Variants in PDGFRB observed in about 807,000 individuals in gnomAD.
The protein encoded by PDGFRB is platelet-derived growth factor receptor beta.
In PDGFRB, 42 loss-of-function variants were observed where a neutral mutation model predicts 120.2. The ratio of observed to expected loss-of-function variants is 0.35; its 90% CI spans 0.27 to 0.45. The LOEUF (loss-of-function observed/expected upper bound fraction) is 0.45, where lower values mean the gene tolerates loss of function less well. PDGFRB is among the 20% of genes least tolerant of loss of function. The pLI, the probability that PDGFRB is intolerant of heterozygous loss-of-function variation, is 1.00. For synonymous variants in PDGFRB, 586 were observed against 606.8 expected, an observed-to-expected ratio of 0.97 and a Z score of 0.50; for missense variants, 1,149 against 1,476.3, an observed-to-expected ratio of 0.78 and a Z score of 3.63.
Position 150,119,458 on chromosome 5 carries a change from TC to T in PDGFRB, c.2798+8del. 1 of 1,495,260 alleles carries T rather than the reference TC, an allele frequency of 6.7e-7. No individual in the cohort carries two copies. Among genetic ancestry groups the T allele is most frequent in the Non-Finnish European group, 9.3e-7 (1 of 1,071,360 alleles). 92.6% of individuals were successfully genotyped at this position (1,495,260 alleles called of 1,614,324 possible). A position where few individuals can be genotyped will look rare whatever the true frequency, so the allele number is the denominator to read the frequency against. Reference sequence around the variant, plus strand: ...CAAAATCCTCCCAAATGCATGAGACTCCACTCACATCTCGTCGGAGGCATGG... The same window carrying T: ...CAAAATCCTCCCAAATGCATGAGACTCACTCACATCTCGTCGGAGGCATGG... On this transcript the variant is annotated splice_region_variant and intron_variant, in intron 20 of 22. Transcript: ENST00000261799.
rs74388241 is a variant in PDGFRB at position 150,142,231 on chromosome 5, G to A, written c.-6-5178C>T. Among the ~76,000 whole-genome samples the A allele has an allele frequency of 7.2e-3, 1,101 of 152,268 alleles. 15 individuals are homozygous for A. Among genetic ancestry groups the A allele is most frequent in the African/African-American group, 0.025 (1,057 of 41,538 alleles). ...CTAGACAAGATGGGCTCGGGTGATC[G>A]GTGGGGCTGAAGCTCACCTGGCTGC... On this transcript the variant is annotated intron_variant, in intron 1 of 22. Transcript: ENST00000261799.
chr5:150,125,356 AGTCAT>A, intron 12 of PDGFRB, 84 bp downstream of exon 12: 1 of 1,151,452 alleles, frequency 8.7e-7, no homozygotes. Flanking sequence ...TCTCATAGCT[AGTCAT>A]GGCAAGGCTG....
intron 15 of PDGFRB, 56 bp from the exon 16 acceptor site, chr5:150,122,096 C>T: frequency 7.2e-7 from 1 of 1,393,716 alleles, no homozygotes; most frequent in Non-Finnish European, 1.0e-6. Flanking sequence ...CCCCTCCCCT[C>T]CTGCCCCTTG....
rs17652200 is a variant in PDGFRB, at chr5:150,146,223, T to C, written c.-6-9170A>G. Among the ~76,000 whole-genome samples, 1,090 of 152,360 alleles carry C rather than the reference T, an allele frequency of 7.2e-3. 33 individuals carry two copies. Among genetic ancestry groups the C allele is most frequent in the Admixed American group, 0.034 (525 of 15,304 alleles). On this transcript the variant is annotated intron_variant, in intron 1 of 22. Coordinates refer to ENST00000261799, the MANE Select transcript of PDGFRB (RefSeq NM_002609.4). ...CAGTTTATCTCACTGTATTCTCTGC[T>C]TATTGGTCTTGCTTCTATCCACCAA...
At position 150,120,512 on chromosome 5, in the gene PDGFRB, A is replaced by T. The variant is rs1299075718; in HGVS notation, c.2586+376T>A. Among the ~76,000 whole-genome samples, 1 of 152,110 alleles carries T rather than the reference A, an allele frequency of 6.6e-6. No homozygotes were observed. The highest frequency in any genetic ancestry group is 1.5e-5 in the Non-Finnish European group (1 of 68,010). On this transcript the variant is annotated intron_variant, in intron 18 of 22. Transcript: ENST00000261799. This position sits in a 1 kb window ranked among gnomAD's most constrained non-coding sequence, Gnocchi z 4.3. Reference sequence around the variant, plus strand: ...AGTGGGGAGATGAGAGACAGGCAGGATGATCACGTTTTAACCAGACCAATC... The same window carrying T: ...AGTGGGGAGATGAGAGACAGGCAGGTTGATCACGTTTTAACCAGACCAATC...
chr5:150,125,425 T>C lies in PDGFRB; in HGVS notation c.1807+20A>G. 6.2e-7 allele frequency: 1 copy of C among 1,600,798 alleles called. No individual in the cohort carries two copies. The highest frequency in any genetic ancestry group is 1.3e-5 in the African/African-American group (1 of 74,770). ...CAACTTGAGTCCCCACACTGCCACA[T>C]GAGGCCTCTCAGGACTGACCCAGCA... On this transcript the variant is annotated intron_variant, in intron 12 of 22. Transcript: ENST00000261799.
In PDGFRB at chr5:150,120,195, G is replaced by A; in HGVS notation, c.2587-72C>T. 1.3e-6 allele frequency: 1 copy of A among 761,122 alleles called. No individual in the cohort carries two copies. The allele number at this position is 761,122 out of a possible 1,614,324, so 47.1% of individuals were successfully genotyped here. ...CCCCACTCTGCACCTGGGATGGGAG[G>A]AGGGTATCTGGCAGCTCCCACCCAC... On this transcript the variant is annotated intron_variant, in intron 18 of 22. Coordinates refer to ENST00000261799, the MANE Select transcript of PDGFRB (RefSeq NM_002609.4). This position sits in a 1 kb window ranked among gnomAD's most constrained non-coding sequence, Gnocchi z 4.3.
chr5:150,124,162 T>G, intron 14 of PDGFRB, 88 bp downstream of exon 14: 1 of 840,130 alleles, frequency 1.2e-6, no homozygotes, highest in Non-Finnish European at 2.0e-6. Context: ...GAGTGTGCTG[T>G]TGTGCAAGGC....
chr5:150,124,238 TG>T lies in PDGFRB; in HGVS notation c.2023+11del. 3 of 1,593,724 alleles carry T rather than the reference TG, an allele frequency of 1.9e-6. No individual in the cohort carries two copies. The highest frequency in any genetic ancestry group is 2.6e-6 in the Non-Finnish European group (3 of 1,161,932). ...ACTTTCCCTGAGGCCTCTGGGGCAGTGGGCTCGGTACCTCCTTTGGTGCAGG... is the reference window on the plus strand; with the variant it reads ...ACTTTCCCTGAGGCCTCTGGGGCAGTGGCTCGGTACCTCCTTTGGTGCAGG... On this transcript the variant is annotated intron_variant, in intron 14 of 22. Transcript: ENST00000261799.
At position 150,120,780 on chromosome 5, in the gene PDGFRB, G is replaced by A; in HGVS notation, c.2586+108C>T. The A allele has an allele frequency of 2.9e-6, 3 of 1,035,360 alleles. No individual in the cohort carries two copies. Among genetic ancestry groups the A allele is most frequent in the South Asian group, 2.9e-5 (2 of 68,066 alleles). 64.1% of individuals were successfully genotyped at this position (1,035,360 alleles called of 1,614,324 possible). A position where few individuals can be genotyped will look rare whatever the true frequency, so the allele number is the denominator to read the frequency against. ...CTGCTGTCAGGGCAGGCCACAAGGA[G>A]CCCCACACAGATTTCCTATGAGCTG... is the stretch of plus-strand genomic sequence containing the variant. On this transcript the variant is annotated intron_variant, in intron 18 of 22. Transcript: ENST00000261799. This position sits in a 1 kb window ranked among gnomAD's most constrained non-coding sequence, Gnocchi z 4.3.
Position 150,122,940 on chromosome 5 carries a change from G to A in PDGFRB, c.2183+102C>T, listed in dbSNP as rs538854325. ...AGCTCCAGGAGTGATTCTGTCCCCTGCCCTGTCACAGCCTCAGCTTCCCCT... is the reference window on the plus strand; with the variant it reads ...AGCTCCAGGAGTGATTCTGTCCCCTACCCTGTCACAGCCTCAGCTTCCCCT... On this transcript the variant is annotated intron_variant, in intron 15 of 22. Transcript: ENST00000261799. The A allele has an allele frequency of 2.1e-5, 22 of 1,032,702 alleles. No individual in the cohort carries two copies. The East Asian group carries it at 4.0e-4, about 19-fold the overall frequency. 64.0% of individuals were successfully genotyped at this position (1,032,702 alleles called of 1,614,324 possible).
In PDGFRB at chr5:150,124,836, T is replaced by G; in HGVS notation, c.1808-5A>C. ...CCCCAGAGCCGAGGGTGCGTCCTGG[T>G]GCAGAGATGATCCATTAGCTCCTGG... On this transcript the variant is annotated splice_polypyrimidine_tract_variant and splice_region_variant and intron_variant, in intron 12 of 22. Coordinates refer to ENST00000261799, the MANE Select transcript of PDGFRB (RefSeq NM_002609.4). The G allele has an allele frequency of 6.5e-7, 1 of 1,531,490 alleles. No individual in the cohort carries two copies. The highest frequency in any genetic ancestry group is 9.0e-7 in the Non-Finnish European group (1 of 1,115,160). 94.9% of individuals were successfully genotyped at this position (1,531,490 alleles called of 1,614,324 possible).
At position 150,120,797 on chromosome 5, in the gene PDGFRB, T is replaced by G; in HGVS notation, c.2586+91A>C. On this transcript the variant is annotated intron_variant, in intron 18 of 22. Transcript: ENST00000261799. This position sits in a 1 kb window ranked among gnomAD's most constrained non-coding sequence, Gnocchi z 4.3. The stretch of plus-strand genomic sequence containing the variant: ...CACAAGGAGCCCCACACAGATTTCC[T>G]ATGAGCTGCAGCCACACTGGTCAGG... 3.2e-6 allele frequency: 4 copies of G among 1,246,728 alleles called. No individual in the cohort carries two copies. The Admixed American group carries it at 7.6e-5, about 24-fold the overall frequency. 77.2% of individuals were successfully genotyped at this position (1,246,728 alleles called of 1,614,324 possible). A position where few individuals can be genotyped will look rare whatever the true frequency, so the allele number is the denominator to read the frequency against.
In PDGFRB at chr5:150,123,147, A is replaced by G; in HGVS notation, c.2078T>C (p.Leu693Pro). The change falls in exon 15 of 23, where the codon CTG (leucine) becomes CCG (proline). Residue 693 changes from leucine (L) to proline (P), a missense_variant. Physicochemically the swap from Leu to Pro is moderately conservative, Grantham distance 98. Coordinates refer to ENST00000261799, the MANE Select transcript of PDGFRB (RefSeq NM_002609.4). ...CAGGAAGGTGTGTTTGTTGCGGTGC[A>G]GGTAGTCCACCAGGTCTCCGTAGCG... ...YCRYGDLVDY[L>P]HRNKHTFLQH... 6.2e-7 allele frequency: 1 copy of G among 1,613,780 alleles called. No homozygotes were observed. Among genetic ancestry groups the G allele is most frequent in the Non-Finnish European group, 8.5e-7 (1 of 1,179,788 alleles).
chr5:150,125,107 G>T (rs900209126), intron 12 of PDGFRB, among the ~76,000 whole-genome samples: 1 of 151,992 alleles, frequency 6.6e-6, no homozygotes, highest in Non-Finnish European at 1.5e-5. Context: ...TTAATCTCTG[G>T]AAAGTTTCTT....
chr5:150,147,498 C>G (rs1430865406), intron 1 of PDGFRB, among the ~76,000 whole-genome samples: 1 of 152,220 alleles, frequency 6.6e-6, no homozygotes, highest in African/African-American at 2.4e-5. Context: ...AGGGGACAGG[C>G]AGGCCTTGGG....
chr5:150,140,557 C>T (rs1202996720), intron 1 of PDGFRB, among the ~76,000 whole-genome samples: 7 of 152,152 alleles, frequency 4.6e-5, no homozygotes, highest in South Asian at 2.1e-4. Context: ...CAGCTCCTCA[C>T]GTGACTCAGA....
In PDGFRB at chr5:150,115,688, G is replaced by A. The variant is rs375798391; in HGVS notation, c.*75C>T. On this transcript the variant is annotated 3_prime_UTR_variant, in exon 23 of 23. Transcript: ENST00000261799. ...GGGCAGCCTGGCTGACAGGAAGCCC[G>A]GTCAGGCCAGGCCAGGAGATGCTGG... 7.8e-5 allele frequency: 108 copies of A among 1,391,720 alleles called. No homozygotes were observed. Among genetic ancestry groups the A allele is most frequent in the African/African-American group, 5.4e-4 (37 of 68,686 alleles). The allele number at this position is 1,391,720 out of a possible 1,614,324, so 86.2% of individuals were successfully genotyped here.
At chr5:150,146,804 G>A (rs1178236868) in intron 1 of PDGFRB, among the ~76,000 whole-genome samples, 1 of 152,192 alleles carries the variant, frequency 6.6e-6, no homozygotes, top group Non-Finnish European at 1.5e-5. Flanking sequence ...ACAGAGAAAC[G>A]TTCTCCCTCT....
Sources: gnomAD v4.1 joint callset for allele counts (sites outside exome capture counted in the v4.1 genomes callset) on GRCh38, gnomAD v4.1.1 for gene constraint, Gnocchi (gnomAD v3.1) non-coding constraint, MANE v1.5 for transcripts, NCBI Gene and HGNC (gene_info 2026-07-23, HGNC 2026-07-21) for gene names.